SATB2: variants seen among roughly 807,000 people sequenced by gnomAD.
SATB2 encodes the protein SATB homeobox 2.
A neutral mutation model predicts 73.4 loss-of-function variants in SATB2; 1 was observed. The ratio of observed to expected loss-of-function variants is 0.01; its 90% confidence interval spans 0.00 to 0.06. The LOEUF (loss-of-function observed/expected upper bound fraction) is 0.06. Ranked by LOEUF, SATB2 falls within the 10% of genes least tolerant of loss-of-function variation. The probability of loss-of-function intolerance (pLI) is 1.00; values close to 1 mark genes in which losing one functional copy is unlikely to be tolerated. For missense variants in SATB2, 459 were observed against 945.8 expected (o/e 0.49, Z 6.75); for synonymous variants, 397 against 367.0 (o/e 1.08, Z -0.93).
At chr2:199,370,946 C>CAAAAAAAAAAAA (rs67348909) in intron 5 of SATB2, among the ~76,000 whole-genome samples, 1 of 69,562 alleles carries the variant, frequency 1.4e-5, no homozygotes, top group Non-Finnish European at 3.1e-5. Flanking sequence ...ATGAACTGAG[C>CAAAAAAAAAAAA]AAAAAAAAAA....
chr2:199,465,070 G>T (rs988363203), exon 1 of SATB2: 1 of 152,220 alleles, frequency 6.6e-6, no homozygotes, highest in Admixed American at 6.5e-5. Flanking sequence ...GGTTACCTAA[G>T]CTCGAGTTCG....
chr2:199,455,829 T>C lies in SATB2; in HGVS notation c.169+40A>G, dbSNP rs955458507. ...ACCCTGACACCCGGGCCATTATCAC[T>C]GGGCCGCGGGCTGCGCGCCTCCCTG... On this transcript the variant is annotated intron_variant, in intron 2 of 10. Transcript: ENST00000417098. The surrounding 1 kb of genome is among the most constrained non-coding windows in gnomAD (Gnocchi z 4.1). The C allele has an allele frequency of 1.1e-4, 171 of 1,532,796 alleles. No individual in the cohort carries two copies. Among genetic ancestry groups the C allele is most frequent in the Non-Finnish European group, 1.3e-4 (154 of 1,145,434 alleles). The allele number at this position is 1,532,796 out of a possible 1,614,324, so 94.9% of individuals were successfully genotyped here.
At chr2:199,332,990 G>A (rs1688231985) in intron 7 of SATB2, among the ~76,000 whole-genome samples, 2 of 152,064 alleles carry the variant, frequency 1.3e-5, no homozygotes, top group South Asian at 4.1e-4. Flanking sequence ...AACAGTTAAA[G>A]TCATTACTGA....
intron 3 of SATB2, among the ~76,000 whole-genome samples, chr2:199,403,908 G>A (rs1574595246): frequency 6.6e-6 from 1 of 152,280 alleles, no homozygotes; most frequent in East Asian, 1.9e-4. Flanking sequence ...GGGATGGCAG[G>A]ATATCAACCT....
chr2:199,284,861 T>C (rs72929421), intron 10 of SATB2, among the ~76,000 whole-genome samples: 2 of 152,198 alleles, frequency 1.3e-5, no homozygotes, highest in Non-Finnish European at 2.9e-5. Flanking sequence ...AACAATATAG[T>C]ATAATAACTA....
In SATB2 at chr2:199,271,306, T is replaced by C. The variant is rs1692148033; in HGVS notation, c.*905A>G. ...TTTTCTCTGCACTGAATTTCAGTTT[T>C]ACTTATTTGGAATTCCACAGAAATG... On this transcript the variant is annotated 3_prime_UTR_variant, in exon 11 of 11. Transcript: ENST00000417098. The C allele has an allele frequency of 6.5e-6, 1 of 152,764 alleles. No homozygotes were observed. 9.5% of individuals were successfully genotyped at this position (152,764 alleles called of 1,614,324 possible).
At chr2:199,411,835 G>A (rs1690829364) in intron 3 of SATB2, among the ~76,000 whole-genome samples, 1 of 152,166 alleles carries the variant, frequency 6.6e-6, no homozygotes, top group African/African-American at 2.4e-5. Flanking sequence ...AGTGTTATAG[G>A]GGCATAAAGA....
At chr2:199,285,750 AGAGAAT>A (rs1692665796) in intron 10 of SATB2, among the ~76,000 whole-genome samples, 1 of 151,920 alleles carries the variant, frequency 6.6e-6, no homozygotes, top group Admixed American at 6.6e-5. Flanking sequence ...AGAGAGAGAA[AGAGAAT>A]AAGAAAAAAA....
chr2:199,385,731 A>G (rs1347575339), intron 3 of SATB2, among the ~76,000 whole-genome samples: 1 of 152,138 alleles, frequency 6.6e-6, no homozygotes, highest in Non-Finnish European at 1.5e-5. Context: ...GGCAAACTAG[A>G]AGAAAAGACT....
In SATB2 at chr2:199,455,439, T is replaced by C. The variant is rs1692243801; in HGVS notation, c.169+430A>G. ...TTGAAGCACTGTCCTCACTACAAAG[T>C]AACATCAACTCTCCTTGTTCCTGTA... On this transcript the variant is annotated intron_variant, in intron 2 of 10. Coordinates refer to ENST00000417098, the MANE Select transcript of SATB2 (RefSeq NM_001172509.2). The surrounding 1 kb of genome is among the most constrained non-coding windows in gnomAD (Gnocchi z 4.1). 6.6e-6 allele frequency among the ~76,000 whole-genome samples: 1 copy of C among 152,218 alleles called. No individual in the cohort carries two copies. Among genetic ancestry groups the C allele is most frequent in the Admixed American group, 6.5e-5 (1 of 15,280 alleles).
At chr2:199,338,464 T>A (rs1439110100) in intron 7 of SATB2, among the ~76,000 whole-genome samples, 12 of 152,098 alleles carry the variant, frequency 7.9e-5, no homozygotes, top group Admixed American at 7.9e-4. Context: ...GACCTCTATC[T>A]GTGTAAAATG....
intron 2 of SATB2, among the ~76,000 whole-genome samples, chr2:199,433,802 C>T (rs1323151218): frequency 6.6e-6 from 1 of 151,982 alleles, no homozygotes; most frequent in African/African-American, 2.4e-5. Flanking sequence ...CACAGACACT[C>T]GAATCTTTTA....
chr2:199,408,925 CATA>C (rs1690721911), intron 3 of SATB2, among the ~76,000 whole-genome samples: 1 of 152,038 alleles, frequency 6.6e-6, no homozygotes, highest in Non-Finnish European at 1.5e-5. Flanking sequence ...GAGCACTGAA[CATA>C]ATGAGGGAGT....
rs1692143292 is a variant in SATB2 at position 199,271,148 on chromosome 2, A to G, written c.*1063T>C. 1 of 152,778 alleles carries G rather than the reference A, an allele frequency of 6.5e-6. No homozygotes were observed. The highest frequency in any genetic ancestry group is 1.5e-5 in the Non-Finnish European group (1 of 68,038). 9.5% of individuals were successfully genotyped at this position (152,778 alleles called of 1,614,324 possible). Reference sequence around the variant, plus strand: ...AACAACAAACAACTTTTAAACGAGCAGGCTTATTAATTTTCAGATTTGAAG... The same window carrying G: ...AACAACAAACAACTTTTAAACGAGCGGGCTTATTAATTTTCAGATTTGAAG... On this transcript the variant is annotated 3_prime_UTR_variant, in exon 11 of 11. Coordinates refer to ENST00000417098, the MANE Select transcript of SATB2 (RefSeq NM_001172509.2).
chr2:199,431,245 C>G (rs1691492943), intron 3 of SATB2, among the ~76,000 whole-genome samples: 1 of 152,176 alleles, frequency 6.6e-6, no homozygotes, highest in Admixed American at 6.5e-5. Context: ...ATCATGCATA[C>G]TATTTGGTCT....
intron 3 of SATB2, among the ~76,000 whole-genome samples, chr2:199,412,619 A>G (rs971154478): frequency 6.6e-6 from 1 of 152,194 alleles, no homozygotes; most frequent in African/African-American, 2.4e-5. Flanking sequence ...CCCCAAAGGT[A>G]GTGGTCATAT....
rs937333671 is a variant in SATB2, at chr2:199,363,552, G to GT, written c.700+5052dup. 1.1e-4 allele frequency among the ~76,000 whole-genome samples: 16 copies of GT among 151,962 alleles called. No individual in the cohort carries two copies. In the South Asian group the frequency reaches 1.5e-3, roughly 14 times the overall value. On this transcript the variant is annotated intron_variant, in intron 6 of 10. Coordinates refer to ENST00000417098, the MANE Select transcript of SATB2 (RefSeq NM_001172509.2). ...AAGTCTCAGTGAGGCGAAACAAGTG[G>GT]TTTTTTTTGAGATCTATTGTACAGC...
chr2:199,429,270 A>G (rs1423683663), intron 3 of SATB2, among the ~76,000 whole-genome samples: 1 of 152,186 alleles, frequency 6.6e-6, no homozygotes, highest in Non-Finnish European at 1.5e-5. Flanking sequence ...GTAAAATTTG[A>G]TATTTACTTT....
chr2:199,442,741 A>G (rs572109851), intron 2 of SATB2, among the ~76,000 whole-genome samples: 4 of 152,268 alleles, frequency 2.6e-5, no homozygotes, highest in Admixed American at 1.3e-4. Flanking sequence ...AGCCAGATCC[A>G]TCTCTAAAAT....
Sources: gnomAD v4.1 joint callset for allele counts (sites outside exome capture counted in the v4.1 genomes callset) on GRCh38, gnomAD v4.1.1 for gene constraint, Gnocchi (gnomAD v3.1) non-coding constraint, MANE v1.5 for transcripts, NCBI Gene and HGNC (gene_info 2026-07-23, HGNC 2026-07-21) for gene names.